The following EXOC6B variants were observed in gnomAD, a reference collection of about 807,000 sequenced individuals.
EXOC6B encodes the protein SEC15 homolog B.
A neutral mutation model predicts 113.5 loss-of-function variants in EXOC6B; 54 were observed. The observed-to-expected ratio is 0.48, with a 90% CI of 0.38 to 0.60. EXOC6B has a LOEUF of 0.60. Among genes scored for constraint, EXOC6B ranks in the 20% least tolerant of loss-of-function variants. EXOC6B has a pLI of 0.00. For synonymous variants in EXOC6B, 357 were observed against 339.0 expected (o/e 1.05, Z -0.58); for missense variants, 797 against 977.5 (o/e 0.82, Z 2.46).
At chr2:72,231,850 T>C (rs2104468756) in intron 20 of EXOC6B, among the ~76,000 whole-genome samples, 1 of 152,336 alleles carries the variant, frequency 6.6e-6, no homozygotes, top group Middle Eastern at 3.4e-3. Flanking sequence ...AGTTCAGCCA[T>C]TGTGGAAAGC....
At chr2:72,818,757 C>G (rs1241524752) in intron 1 of EXOC6B, among the ~76,000 whole-genome samples, 1 of 152,186 alleles carries the variant, frequency 6.6e-6, no homozygotes, top group Non-Finnish European at 1.5e-5. Flanking sequence ...ACCCTGACTA[C>G]TTTCTTACCA....
chr2:72,497,380 C>T (rs1700093729), intron 13 of EXOC6B, among the ~76,000 whole-genome samples: 1 of 152,058 alleles, frequency 6.6e-6, no homozygotes, highest in South Asian at 2.1e-4. Flanking sequence ...ACCTACTGCT[C>T]TATATCAAGG....
intron 19 of EXOC6B, among the ~76,000 whole-genome samples, chr2:72,340,018 G>A (rs1688933062): frequency 6.6e-6 from 1 of 152,074 alleles, no homozygotes; most frequent in African/African-American, 2.4e-5. Context: ...AGGGGAAAAA[G>A]GAAGGATGCC....
chr2:72,542,681 T>C (rs1329903315), intron 8 of EXOC6B, among the ~76,000 whole-genome samples: 1 of 152,218 alleles, frequency 6.6e-6, no homozygotes, highest in Admixed American at 6.5e-5. Context: ...CAAAATCATC[T>C]ATAAAAGAAA....
intron 11 of EXOC6B, among the ~76,000 whole-genome samples, chr2:72,509,008 T>C (rs1050490291): frequency 1.3e-5 from 2 of 151,942 alleles, no homozygotes; most frequent in Non-Finnish European, 2.9e-5. Context: ...AACTCACCTA[T>C]TAATGCCCTG....
intron 20 of EXOC6B, among the ~76,000 whole-genome samples, chr2:72,195,250 T>C (rs1375979675): frequency 1.3e-5 from 2 of 152,194 alleles, no homozygotes; most frequent in South Asian, 4.1e-4. Flanking sequence ...AAGTATTCCT[T>C]TGAGTCCGAG....
chr2:72,266,124 G>C (rs1310664482), intron 20 of EXOC6B, among the ~76,000 whole-genome samples: 1 of 152,016 alleles, frequency 6.6e-6, no homozygotes, highest in Non-Finnish European at 1.5e-5. Flanking sequence ...TTGTAAATTT[G>C]TTTGAGTTCA....
chr2:72,398,727 TACACACACACAC>T (rs60055732), intron 18 of EXOC6B, among the ~76,000 whole-genome samples: 71 of 138,994 alleles, frequency 5.1e-4, no homozygotes, highest in Non-Finnish European at 1.0e-3. Flanking sequence ...TCTCTCTGTC[TACACACACACAC>T]ACACACACAC....
At chr2:72,462,856 A>G (rs181206756) in intron 18 of EXOC6B, 1 of 152,188 alleles carries the variant, frequency 6.6e-6, no homozygotes, top group Admixed American at 6.6e-5. Context: ...TCTTCACCCA[A>G]TTCCTGTTGT....
intron 8 of EXOC6B, among the ~76,000 whole-genome samples, chr2:72,516,925 T>C (rs115393679): frequency 2.0e-5 from 3 of 152,332 alleles, no homozygotes; most frequent in Non-Finnish European, 4.4e-5. Context: ...AAAAAAAGTA[T>C]AAATGCCACG....
At chr2:72,824,278 A>G (rs1686769126) in intron 1 of EXOC6B, among the ~76,000 whole-genome samples, 1 of 152,034 alleles carries the variant, frequency 6.6e-6, no homozygotes, top group Non-Finnish European at 1.5e-5. Flanking sequence ...AGTCCCAGCT[A>G]CTCAGGAGGC....
At chr2:72,724,705 AAAAACAAATAAT>A (rs1680203648) in intron 5 of EXOC6B, among the ~76,000 whole-genome samples, 1 of 152,198 alleles carries the variant, frequency 6.6e-6, no homozygotes, top group African/African-American at 2.4e-5. Flanking sequence ...GTATGTAAAG[AAAAACAAATAAT>A]AAAAGAAATA....
intron 6 of EXOC6B, among the ~76,000 whole-genome samples, chr2:72,603,984 C>A (rs1323542591): frequency 6.6e-6 from 1 of 151,988 alleles, no homozygotes; most frequent in Non-Finnish European, 1.5e-5. Flanking sequence ...GAACTGGAAT[C>A]CTGATATGCT....
chr2:72,328,280 G>A (rs1572919945), intron 20 of EXOC6B, among the ~76,000 whole-genome samples: 2 of 152,180 alleles, frequency 1.3e-5, no homozygotes, highest in East Asian at 3.9e-4. Flanking sequence ...TTTATGTTGG[G>A]CTGCTAAACC....
Position 72,480,759 on chromosome 2 carries a change from C to T in EXOC6B, c.1666-9G>A. 6.3e-7 allele frequency: 1 copy of T among 1,596,352 alleles called. No individual in the cohort carries two copies. The highest frequency in any genetic ancestry group is 8.5e-7 in the Non-Finnish European group (1 of 1,170,416). On this transcript the variant is annotated splice_polypyrimidine_tract_variant and intron_variant, in intron 16 of 21. Transcript: ENST00000272427. ...ATAATAATCTGAACAAGCTAGAAAA[C>T]AACAAACACATGTAAAAGTCATTTA...
chr2:72,765,669 T>C (rs1037803367), intron 1 of EXOC6B, among the ~76,000 whole-genome samples: 1 of 151,864 alleles, frequency 6.6e-6, no homozygotes, highest in Non-Finnish European at 1.5e-5. Flanking sequence ...CAAGACTCCA[T>C]CTCAAAAAAA....
chr2:72,203,105 G>A (rs1297900012), intron 20 of EXOC6B, among the ~76,000 whole-genome samples: 1 of 152,180 alleles, frequency 6.6e-6, no homozygotes, highest in Admixed American at 6.5e-5. Context: ...AAATACTGGC[G>A]ATGATGATGA....
At chr2:72,333,063 T>G (rs913624446) in intron 20 of EXOC6B, among the ~76,000 whole-genome samples, 1 of 152,102 alleles carries the variant, frequency 6.6e-6, no homozygotes, top group African/African-American at 2.4e-5. Flanking sequence ...CAGGTATAAG[T>G]AGAAATTAGG....
At chr2:72,357,439 C>A (rs924634638) in intron 19 of EXOC6B, among the ~76,000 whole-genome samples, 4 of 151,988 alleles carry the variant, frequency 2.6e-5, no homozygotes, top group African/African-American at 9.7e-5. Flanking sequence ...TGCCTGTAAT[C>A]CCAGAACTTT....
Sources: gnomAD v4.1 joint callset for allele counts (sites outside exome capture counted in the v4.1 genomes callset) on GRCh38, gnomAD v4.1.1 for gene constraint, MANE v1.5 for transcripts, NCBI Gene and HGNC (gene_info 2026-07-23, HGNC 2026-07-21) for gene names.